EPHA6: variants seen among roughly 807,000 people sequenced by gnomAD.
EPHA6 encodes EPH receptor A6.
A neutral mutation model predicts 112.0 loss-of-function variants in EPHA6; 50 were observed. The ratio of observed to expected loss-of-function variants is 0.45; its 90% CI spans 0.36 to 0.56. The LOEUF (loss-of-function observed/expected upper bound fraction) is 0.56, where lower values mean the gene tolerates loss of function less well. Ranked by LOEUF, EPHA6 falls within the 20% of genes least tolerant of loss-of-function variation. EPHA6 has a pLI of 0.00. For synonymous variants in EPHA6, 529 were observed against 490.7 expected (o/e 1.08, Z -1.03); for missense variants, 1,280 against 1,417.4 (o/e 0.90, Z 1.56).
At chr3:97,648,595 T>C (rs1029522300) in intron 14 of EPHA6, 1 of 1,161,758 alleles carries the variant, frequency 8.6e-7, no homozygotes, top group Admixed American at 4.7e-5. Flanking sequence ...CTTTAAGTAC[T>C]TTCATTAACA....
chr3:97,284,575 A>G (rs1164768853), intron 5 of EPHA6, among the ~76,000 whole-genome samples: 1 of 152,132 alleles, frequency 6.6e-6, no homozygotes, highest in Non-Finnish European at 1.5e-5. Context: ...TAAAAACATC[A>G]TCTCCAAACA....
chr3:96,829,631 T>C (rs1213285712), intron 1 of EPHA6, among the ~76,000 whole-genome samples: 1 of 152,130 alleles, frequency 6.6e-6, no homozygotes, highest in Non-Finnish European at 1.5e-5. Flanking sequence ...CTTCTTTATA[T>C]ATGCAGCAAT....
chr3:96,849,407 A>T (rs2035260217), intron 1 of EPHA6, among the ~76,000 whole-genome samples: 1 of 152,096 alleles, frequency 6.6e-6, no homozygotes, highest in Non-Finnish European at 1.5e-5. Context: ...TTCTAAATAA[A>T]TATATAGAGA....
chr3:97,234,020 C>T (rs2078610092), intron 4 of EPHA6, among the ~76,000 whole-genome samples: 1 of 152,124 alleles, frequency 6.6e-6, no homozygotes, highest in African/African-American at 2.4e-5. Context: ...TAGTACAACA[C>T]AGCATGAGAT....
chr3:97,328,032 TATATATACACAC>T, intron 5 of EPHA6, among the ~76,000 whole-genome samples: 1 of 115,072 alleles, frequency 8.7e-6, no homozygotes, highest in East Asian at 2.3e-4. Flanking sequence ...TGTATATGTG[TATATATACACAC>T]ATATATACAC....
At chr3:97,292,330 G>A (rs769968334) in intron 5 of EPHA6, among the ~76,000 whole-genome samples, 4 of 152,228 alleles carry the variant, frequency 2.6e-5, no homozygotes, top group Non-Finnish European at 4.4e-5. Context: ...GGTAAATGGG[G>A]GAGAAAAGTT....
In EPHA6 at chr3:97,139,183, C is replaced by T. The variant is rs140791811; in HGVS notation, c.1115-87081C>T. 8.8e-4 allele frequency among the ~76,000 whole-genome samples: 134 copies of T among 152,260 alleles called. 1 individual carries two copies. The highest frequency in any genetic ancestry group is 3.0e-3 in the African/African-American group (123 of 41,560). ...CATTGGACATGGACCTCAGAGAGCA[C>T]CAGGGCCCTGCCCATTACCAGGGAC... On this transcript the variant is annotated intron_variant, in intron 3 of 17. Coordinates refer to ENST00000389672, the MANE Select transcript of EPHA6 (RefSeq NM_001080448.3).
At chr3:97,631,914 T>C (rs940257414) in intron 13 of EPHA6, among the ~76,000 whole-genome samples, 1 of 152,030 alleles carries the variant, frequency 6.6e-6, no homozygotes, top group African/African-American at 2.4e-5. Flanking sequence ...TCTTTGACAG[T>C]TTCTAAGCTA....
intron 3 of EPHA6, among the ~76,000 whole-genome samples, chr3:97,063,717 TATAAAA>T (rs2046096165): frequency 6.6e-6 from 1 of 151,824 alleles, no homozygotes; most frequent in African/African-American, 2.4e-5. Context: ...AATTTAAAAA[TATAAAA>T]GAAAGGACAG....
chr3:96,842,319 A>G (rs764946320), intron 1 of EPHA6, among the ~76,000 whole-genome samples: 12 of 152,152 alleles, frequency 7.9e-5, no homozygotes, highest in Non-Finnish European at 1.6e-4. Context: ...GATTGTTTCT[A>G]CTAAAACAAG....
At chr3:97,578,735 A>G (rs1467469586) in intron 11 of EPHA6, among the ~76,000 whole-genome samples, 2 of 152,210 alleles carry the variant, frequency 1.3e-5, no homozygotes, top group African/African-American at 4.8e-5. Context: ...TTCAAATAGT[A>G]GAGATTATTC....
intron 2 of EPHA6, among the ~76,000 whole-genome samples, chr3:96,978,862 T>C (rs2042636034): frequency 6.6e-6 from 1 of 152,176 alleles, no homozygotes; most frequent in African/African-American, 2.4e-5. Context: ...TCTCTCATTC[T>C]GAACATCTCC....
chr3:97,379,195 T>C (rs2085563510), intron 5 of EPHA6, among the ~76,000 whole-genome samples: 1 of 152,158 alleles, frequency 6.6e-6, no homozygotes, highest in Non-Finnish European at 1.5e-5. Context: ...TCCTCATTTT[T>C]TCTTGAAGTG....
intron 3 of EPHA6, among the ~76,000 whole-genome samples, chr3:97,039,386 A>G (rs2045232045): frequency 6.6e-6 from 1 of 152,124 alleles, no homozygotes; most frequent in African/African-American, 2.4e-5. Context: ...TTCAATTTAT[A>G]GAATTCAGAT....
intron 12 of EPHA6, among the ~76,000 whole-genome samples, chr3:97,596,077 T>A (rs571659603): frequency 1.7e-4 from 26 of 151,800 alleles, no homozygotes; most frequent in Non-Finnish European, 3.8e-4. Flanking sequence ...GGCTAATTTT[T>A]TGTATTTTTA....
At chr3:97,273,429 T>A (rs1405295119) in intron 5 of EPHA6, among the ~76,000 whole-genome samples, 2 of 151,964 alleles carry the variant, frequency 1.3e-5, no homozygotes, top group African/African-American at 4.8e-5. Flanking sequence ...GATGACAAGT[T>A]TTTTGGGGGC....
intron 11 of EPHA6, among the ~76,000 whole-genome samples, chr3:97,585,508 A>G (rs1047550039): frequency 1.3e-5 from 2 of 152,218 alleles, no homozygotes; most frequent in African/African-American, 4.8e-5. Flanking sequence ...ATAAAAATCT[A>G]GCCATGAAAC....
chr3:97,204,724 A>C (rs1250620311), intron 3 of EPHA6, among the ~76,000 whole-genome samples: 1 of 152,126 alleles, frequency 6.6e-6, no homozygotes, highest in Non-Finnish European at 1.5e-5. Context: ...AGTAAAAAGG[A>C]AAATTTATAA....
intron 2 of EPHA6, among the ~76,000 whole-genome samples, chr3:96,972,870 T>G (rs1418488607): frequency 1.3e-5 from 2 of 152,238 alleles, no homozygotes; most frequent in Admixed American, 1.3e-4. Context: ...AGTTTATATT[T>G]CTTTGAATTC....
Sources: gnomAD v4.1 joint callset for allele counts (sites outside exome capture counted in the v4.1 genomes callset) on GRCh38, gnomAD v4.1.1 for gene constraint, MANE v1.5 for transcripts, NCBI Gene and HGNC (gene_info 2026-07-23, HGNC 2026-07-21) for gene names.